The following ZNF385D variants were observed in gnomAD, a reference collection of about 807,000 sequenced individuals.
ZNF385D encodes zinc finger protein 659.
Under a neutral mutation model 35.8 loss-of-function variants are expected in ZNF385D, and 15 were observed. The ratio of observed to expected loss-of-function variants is 0.42; its 90% CI spans 0.28 to 0.64. The LOEUF is 0.64. Ranked by LOEUF, ZNF385D falls within the 30% of genes least tolerant of loss-of-function variation. The pLI is 0.23. For synonymous variants in ZNF385D, 212 were observed against 186.8 expected, an observed-to-expected ratio of 1.13 and a Z score of -1.10; for missense variants, 474 against 494.6, an observed-to-expected ratio of 0.96 and a Z score of 0.39.
chr3:22,039,853 C>G (rs1215483462), intron 3 of ZNF385D, among the ~76,000 whole-genome samples: 4 of 152,054 alleles, frequency 2.6e-5, no homozygotes, highest in Non-Finnish European at 5.9e-5. Context: ...CCTTTTCCAC[C>G]CTTTTCTATG....
chr3:22,136,616 C>G (rs1303783159), intron 3 of ZNF385D, among the ~76,000 whole-genome samples: 1 of 151,996 alleles, frequency 6.6e-6, no homozygotes, highest in Non-Finnish European at 1.5e-5. Context: ...GACATTTGAT[C>G]AAAAAAGATA....
rs531037749 is a variant in ZNF385D at position 22,173,529 on chromosome 3, G to C, written c.107-4494C>G. ...AGAGCAGAGACCATTTTCTCTCCTTGACAATAAAACAGGAACCTCTTGAGA... is the reference window on the plus strand; with the variant it reads ...AGAGCAGAGACCATTTTCTCTCCTTCACAATAAAACAGGAACCTCTTGAGA... On this transcript the variant is annotated intron_variant, in intron 2 of 5. Transcript: ENST00000494108. Among the ~76,000 whole-genome samples the C allele has an allele frequency of 8.5e-5, 13 of 152,082 alleles. No individual in the cohort carries two copies. In the East Asian group the frequency reaches 2.5e-3, roughly 29 times the overall value.
chr3:21,833,523 T>C (rs918075652), intron 3 of ZNF385D, among the ~76,000 whole-genome samples: 15 of 152,118 alleles, frequency 9.9e-5, no homozygotes, highest in Admixed American at 9.8e-4. Flanking sequence ...GGTTTTCCCA[T>C]AAAAACCTTC....
At chr3:22,075,851 A>T (rs9857279) in intron 3 of ZNF385D, among the ~76,000 whole-genome samples, 76,600 of 151,686 alleles carry the variant, frequency 0.5, 20,971 homozygotes, top group African/African-American at 0.73. Context: ...AATGAGTTCA[A>T]CTATAACTCT....
intron 3 of ZNF385D, among the ~76,000 whole-genome samples, chr3:21,982,855 T>G (rs1474674913): frequency 1.3e-5 from 2 of 152,028 alleles, no homozygotes; most frequent in Non-Finnish European, 2.9e-5. Context: ...CATGTGGGTT[T>G]TTTTTGTCTT....
At chr3:22,064,888 G>T (rs1380647701) in intron 3 of ZNF385D, among the ~76,000 whole-genome samples, 1 of 152,154 alleles carries the variant, frequency 6.6e-6, no homozygotes, top group Non-Finnish European at 1.5e-5. Context: ...ATTACAGTAA[G>T]TAACAATGCA....
chr3:22,330,641 T>C lies in ZNF385D; in HGVS notation c.106+41809A>G, dbSNP rs187381966. On this transcript the variant is annotated intron_variant, in intron 2 of 5. Coordinates refer to the ZNF385D transcript ENST00000494108. ...TAGGAGGTTCTCTTCCCACTTTCCA[T>C]CTCACTCTGGTTCTCCTAGCCCATG... 1.8e-3 allele frequency among the ~76,000 whole-genome samples: 271 copies of C among 152,310 alleles called. 6 individuals are homozygous for C. The South Asian group carries it at 0.028, about 16-fold the overall frequency.
At chr3:22,314,811 T>C (rs1449557760) in intron 2 of ZNF385D, among the ~76,000 whole-genome samples, 1 of 152,160 alleles carries the variant, frequency 6.6e-6, no homozygotes, top group Non-Finnish European at 1.5e-5. Context: ...GTCATATTAA[T>C]TGACTAGGCC....
intron 3 of ZNF385D, among the ~76,000 whole-genome samples, chr3:21,993,224 T>C (rs1695251232): frequency 6.6e-6 from 1 of 152,184 alleles, no homozygotes; most frequent in African/African-American, 2.4e-5. Flanking sequence ...CCTTCTTGCA[T>C]GCAAATTTTG....
At chr3:21,974,802 C>A (rs1035914463) in intron 3 of ZNF385D, among the ~76,000 whole-genome samples, 6 of 152,002 alleles carry the variant, frequency 3.9e-5, no homozygotes, top group African/African-American at 1.4e-4. Context: ...AAATGGCAAA[C>A]AAGGATATAA....
intron 1 of ZNF385D, among the ~76,000 whole-genome samples, chr3:21,675,540 G>C (rs1390989249): frequency 6.6e-6 from 1 of 152,058 alleles, no homozygotes; most frequent in Non-Finnish European, 1.5e-5. Flanking sequence ...CAGAGTGTAA[G>C]TTCTTATATC....
At chr3:22,066,532 C>G (rs1369007234) in intron 3 of ZNF385D, among the ~76,000 whole-genome samples, 3 of 91,236 alleles carry the variant, frequency 3.3e-5, no homozygotes, top group Non-Finnish European at 6.3e-5. Context: ...AGATGGTTCC[C>G]TGTGTGTGTG....
At position 22,144,372 on chromosome 3, in the gene ZNF385D, G is replaced by A. The variant is rs144585646; in HGVS notation, c.325+24445C>T. Among the ~76,000 whole-genome samples the A allele has an allele frequency of 2.2e-3, 334 of 152,098 alleles. 7 individuals carry two copies. In the East Asian group the frequency reaches 0.037, roughly 17 times the overall value. ...GCAGATCACTTGAGGTCAGGAGTTT[G>A]AGACTAGCCTGGCCAATAGGGTGAA... On this transcript the variant is annotated intron_variant, in intron 3 of 5. Coordinates refer to the ZNF385D transcript ENST00000494108.
chr3:22,077,195 C>G (rs1190559074), intron 3 of ZNF385D, among the ~76,000 whole-genome samples: 5 of 151,884 alleles, frequency 3.3e-5, no homozygotes, highest in Non-Finnish European at 7.4e-5. Flanking sequence ...TTTGTTCAGA[C>G]TATATGAATG....
At chr3:22,260,783 T>C (rs537325124) in intron 2 of ZNF385D, among the ~76,000 whole-genome samples, 1 of 152,034 alleles carries the variant, frequency 6.6e-6, no homozygotes, top group Non-Finnish European at 1.5e-5. Context: ...ATTTTAAACA[T>C]GGAATATGAT....
intron 2 of ZNF385D, among the ~76,000 whole-genome samples, chr3:22,189,804 T>C (rs1034351706): frequency 1.3e-5 from 2 of 152,180 alleles, no homozygotes; most frequent in South Asian, 2.1e-4. Context: ...CAGCCATTAA[T>C]AGACACAGAC....
At position 22,020,036 on chromosome 3, in the gene ZNF385D, TA is replaced by T. The variant is rs532552603; in HGVS notation, c.325+148780del. Among the ~76,000 whole-genome samples, 755 of 151,900 alleles carry T rather than the reference TA, an allele frequency of 5.0e-3. 2 individuals are homozygous for T. Among genetic ancestry groups the T allele is most frequent in the Non-Finnish European group, 8.6e-3 (587 of 67,878 alleles). On this transcript the variant is annotated intron_variant, in intron 3 of 5. Coordinates refer to the ZNF385D transcript ENST00000494108. ...GTTTTAATAATTAAATTAATATTAT[TA>T]ACTTTATTTTTAAACAAAATTCATA...
rs537354486 is a variant in ZNF385D, at chr3:21,537,898, G to A, written c.276+26676C>T. On this transcript the variant is annotated intron_variant, in intron 3 of 7. Transcript: ENST00000281523. ...ATTTTTAAAATGATGAACACAGGGA[G>A]TAGAAGCAGGGAGAATGATTAAGAA... Among the ~76,000 whole-genome samples, 7 of 152,238 alleles carry A rather than the reference G, an allele frequency of 4.6e-5. 1 individual carries two copies. Among genetic ancestry groups the A allele is most frequent in the Admixed American group, 3.9e-4 (6 of 15,304 alleles).
intron 2 of ZNF385D, among the ~76,000 whole-genome samples, chr3:22,275,808 A>T (rs1474760995): frequency 2.0e-5 from 3 of 152,076 alleles, no homozygotes. Context: ...GAACTGGTGG[A>T]GCACAGTGGC....
Sources: allele counts gnomAD v4.1 joint callset (sites outside exome capture counted in the v4.1 genomes callset), GRCh38; gene constraint gnomAD v4.1.1; transcripts MANE v1.5; gene names NCBI Gene and HGNC (gene_info 2026-07-23, HGNC 2026-07-21).